FSIP2: variants seen among roughly 807,000 people sequenced by gnomAD.
FSIP2 encodes fibrous sheath-interacting protein 2.
Under a neutral mutation model 510.5 loss-of-function variants are expected in FSIP2, and 367 were observed. The ratio of observed to expected loss-of-function variants is 0.72; its 90% CI spans 0.66 to 0.78. FSIP2 has a LOEUF of 0.78. FSIP2 is among the 30% of genes least tolerant of loss of function. The pLI is 0.00. For synonymous variants in FSIP2, 2,601 were observed against 2,732.2 expected, an observed-to-expected ratio of 0.95 and a Z score of 1.50; for missense variants, 7,594 against 7,901.7, an observed-to-expected ratio of 0.96 and a Z score of 1.48.
intron 13 of FSIP2, among the ~76,000 whole-genome samples, chr2:185,767,259 G>A (rs1233588678): frequency 6.7e-6 from 1 of 149,198 alleles, no homozygotes; most frequent in Non-Finnish European, 1.5e-5. Context: ...CATGGCACAT[G>A]TATACATATG....
Position 185,804,515 on chromosome 2 carries a change from T to C in FSIP2, c.15209T>C (p.Val5070Ala). ...LLLEEIYDYQ[V>A]QSLVSGELES... ...TTGGAAGAAATATATGATTATCAAGTGCAGTCATTAGTTTCAGGAGAATTA... is the reference window on the plus strand; with the variant it reads ...TTGGAAGAAATATATGATTATCAAGCGCAGTCATTAGTTTCAGGAGAATTA... The change falls in exon 17 of 23, where the codon GTG (valine) becomes GCG (alanine). Residue 5070 changes from valine (V) to alanine (A), a missense_variant. By Grantham distance (64) the Val-to-Ala change is moderately conservative (BLOSUM62 0). Transcript: ENST00000424728. The C allele has an allele frequency of 6.6e-7, 1 of 1,516,252 alleles. No individual in the cohort carries two copies. The highest frequency in any genetic ancestry group is 8.8e-7 in the Non-Finnish European group (1 of 1,137,598). 93.9% of individuals were successfully genotyped at this position (1,516,252 alleles called of 1,614,324 possible).
rs1693252025 is a variant in FSIP2, at chr2:185,795,670, A to G, written c.8534A>G (p.Gln2845Arg). 6.5e-7 allele frequency: 1 copy of G among 1,533,470 alleles called. No individual in the cohort carries two copies. The highest frequency in any genetic ancestry group is 8.7e-7 in the Non-Finnish European group (1 of 1,145,282). 95.0% of individuals were successfully genotyped at this position (1,533,470 alleles called of 1,614,324 possible). A position where few individuals can be genotyped will look rare whatever the true frequency, so the allele number is the denominator to read the frequency against. The change falls in exon 16 of 23, where the codon CAA (glutamine) becomes CGA (arginine). Residue 2845 changes from glutamine (Q) to arginine (R), a missense_variant. Gln to Arg is a conservative substitution (Grantham distance 43). Coordinates refer to ENST00000424728, the MANE Select transcript of FSIP2 (RefSeq NM_173651.4). ...GIFKKLFDKW[Q>R]TESNDKENEK... ...TTTAAAAAATTGTTTGACAAGTGGCAAACAGAATCAAATGACAAGGAAAAT... is the reference window on the plus strand; with the variant it reads ...TTTAAAAAATTGTTTGACAAGTGGCGAACAGAATCAAATGACAAGGAAAAT...
At chr2:185,825,681 T>A (rs1229935579) in intron 20 of FSIP2, among the ~76,000 whole-genome samples, 3 of 151,794 alleles carry the variant, frequency 2.0e-5, no homozygotes, top group South Asian at 2.1e-4. Flanking sequence ...AGTTCTTATA[T>A]CTTTTAGTAA....
rs1192246332 is a variant in FSIP2 at position 185,738,851 on chromosome 2, A to G, written c.-44A>G. 6.5e-6 allele frequency: 10 copies of G among 1,533,164 alleles called. No homozygotes were observed. In the East Asian group the frequency reaches 2.5e-4, roughly 38 times the overall value. The allele number at this position is 1,533,164 out of a possible 1,614,324, so 95.0% of individuals were successfully genotyped here. A position where few individuals can be genotyped will look rare whatever the true frequency, so the allele number is the denominator to read the frequency against. ...AGGGACAACGGGGTGCTAGAGAAGG[A>G]GAGCGGGGCGGGTGAGGAAGGGGCT... On this transcript the variant is annotated 5_prime_UTR_variant, in exon 1 of 23. Coordinates refer to ENST00000424728, the MANE Select transcript of FSIP2 (RefSeq NM_173651.4).
In FSIP2 at chr2:185,801,741, T is replaced by G. The variant is rs767617616; in HGVS notation, c.12435T>G (p.Asp4145Glu). Residue 4145 changes from aspartate (D) to glutamate (E), a missense_variant, in exon 17 of 23, where the codon GAT becomes GAG. By Grantham distance (45) the Asp-to-Glu change is conservative. Coordinates refer to ENST00000424728, the MANE Select transcript of FSIP2 (RefSeq NM_173651.4). Reference protein sequence around the residue: ...STMLSHSFLEDVIRRLLSQLI... With the variant: ...STMLSHSFLEEVIRRLLSQLI... ...TGTTATCACATTCATTTTTAGAAGA[T>G]GTCATAAGAAGGCTTTTATCTCAGC... 9.1e-6 allele frequency: 14 copies of G among 1,530,154 alleles called. No homozygotes were observed. The South Asian group carries it at 1.7e-4, about 18-fold the overall frequency. 94.8% of individuals were successfully genotyped at this position (1,530,154 alleles called of 1,614,324 possible). A position where few individuals can be genotyped will look rare whatever the true frequency, so the allele number is the denominator to read the frequency against.
rs748675538 is a variant in FSIP2, at chr2:185,790,506, G to A, written c.3370G>A (p.Val1124Ile). Residue 1124 changes from valine to isoleucine, a missense_variant, in exon 16 of 23, where the codon GTT becomes ATT. Val to Ile is a conservative substitution (Grantham distance 29). Transcript: ENST00000424728. ...LKEMLKDISS[V>I]PFGHLDSKTG... ...GGAAATGCTCAAGGACATATCTTCC[G>A]TTCCTTTTGGTCACTTAGACAGCAA... 272 of 1,534,132 alleles carry A rather than the reference G, an allele frequency of 1.8e-4. 1 individual carries two copies. The East Asian group carries it at 2.5e-3, about 14-fold the overall frequency.
At chr2:185,769,928 A>G (rs1178644300) in intron 13 of FSIP2, among the ~76,000 whole-genome samples, 1 of 151,970 alleles carries the variant, frequency 6.6e-6, no homozygotes, top group Non-Finnish European at 1.5e-5. Flanking sequence ...TTGCAGGCCT[A>G]TATATCTATT....
Position 185,763,243 on chromosome 2 carries a change from AT to A in FSIP2, c.1306del (p.Ser436ProfsTer68). On this transcript the variant is annotated frameshift_variant, in exon 12 of 23. Transcript: ENST00000424728. LOFTEE classifies it high-confidence loss of function. ...TCAGCGCAGGTATCACCCACGAGAA[AT>A]TTTTCCAGAGTTTCACAGGCATTTT... ...IISAQVSPTRNFSRVSQAFLD... is the reference protein window; with the variant it reads ...IISAQVSPTRXFSRVSQAFLD... The A allele has an allele frequency of 6.6e-7, 1 of 1,522,880 alleles. No homozygotes were observed. Among genetic ancestry groups the A allele is most frequent in the Non-Finnish European group, 8.8e-7 (1 of 1,135,548 alleles). 94.3% of individuals were successfully genotyped at this position (1,522,880 alleles called of 1,614,324 possible).
At chr2:185,755,608 T>C (rs1233962540) in intron 8 of FSIP2, among the ~76,000 whole-genome samples, 2 of 151,554 alleles carry the variant, frequency 1.3e-5, no homozygotes, top group Non-Finnish European at 3.0e-5. Flanking sequence ...CAACTTCTAG[T>C]GGGACAGAGA....
Position 185,806,442 on chromosome 2 carries a change from T to C in FSIP2, c.17136T>C (p.Asp5712=), listed in dbSNP as rs1381365199. 6.2e-7 allele frequency: 1 copy of C among 1,612,102 alleles called. No homozygotes were observed. Among genetic ancestry groups the C allele is most frequent in the Non-Finnish European group, 8.5e-7 (1 of 1,178,762 alleles). The change falls in exon 17 of 23, where the codon GAT becomes GAC. Residue 5712 remains aspartate, a synonymous_variant. Transcript: ENST00000424728. ...GTTATGACCAAAGCCCCCCAGGTGA[T>C]AATGTATTAAATGTAATTCAAGAGA... ...KLSYDQSPPG[D]NVLNVIQEIS...
Position 185,808,121 on chromosome 2 carries a change from A to G in FSIP2, c.18815A>G (p.Lys6272Arg). ...TCTGGCTCTTATACTTCTGTATTTAAAGATTTAATGGGTAAAAGCAATGTC... is the reference window on the plus strand; with the variant it reads ...TCTGGCTCTTATACTTCTGTATTTAGAGATTTAATGGGTAAAAGCAATGTC... The part of the protein sequence containing the change: ...KHSGSYTSVF[K>R]DLMGKSNVLS... Residue 6272 changes from lysine to arginine, a missense_variant, in exon 17 of 23, where the codon AAA becomes AGA. Transcript: ENST00000424728. The G allele has an allele frequency of 1.2e-6, 2 of 1,605,518 alleles. No homozygotes were observed.
At chr2:185,809,173 G>T (rs1159330171) in intron 17 of FSIP2, 40 bp downstream of exon 17, 1 of 1,507,630 alleles carries the variant, frequency 6.6e-7, no homozygotes, top group Non-Finnish European at 8.8e-7. Context: ...AGTGAATAGT[G>T]AGACATGGTT....
At chr2:185,782,378 G>C (rs892212877) in intron 13 of FSIP2, among the ~76,000 whole-genome samples, 3 of 152,028 alleles carry the variant, frequency 2.0e-5, no homozygotes, top group Admixed American at 6.5e-5. Flanking sequence ...TACAGCACAG[G>C]GTGTTCTAGA....
chr2:185,780,837 G>A (rs1326434488), intron 13 of FSIP2, among the ~76,000 whole-genome samples: 2 of 152,122 alleles, frequency 1.3e-5, no homozygotes, highest in African/African-American at 4.8e-5. Context: ...TACATACGCT[G>A]CTGCCAGTTA....
Position 185,738,833 on chromosome 2 carries a change from A to G in FSIP2, c.-62A>G, listed in dbSNP as rs1691851977. 6.5e-7 allele frequency: 1 copy of G among 1,535,686 alleles called. No homozygotes were observed. Among genetic ancestry groups the G allele is most frequent in the African/African-American group, 1.4e-5 (1 of 73,008 alleles). On this transcript the variant is annotated 5_prime_UTR_variant, in exon 1 of 23. Coordinates refer to ENST00000424728, the MANE Select transcript of FSIP2 (RefSeq NM_173651.4). ...CTGGTCAGGTCCGGACAGAGGGACA[A>G]CGGGGTGCTAGAGAAGGAGAGCGGG...
In FSIP2 at chr2:185,794,022, G is replaced by A; in HGVS notation, c.6886G>A (p.Asp2296Asn). 1 of 1,533,754 alleles carries A rather than the reference G, an allele frequency of 6.5e-7. No homozygotes were observed. Among genetic ancestry groups the A allele is most frequent in the South Asian group, 1.2e-5 (1 of 83,862 alleles). Reference sequence around the variant, plus strand: ...AGAATTGGAAAATTGTAAACAAAATGACAGCATCTTTTATGATTCAAGCCA... The same window carrying A: ...AGAATTGGAAAATTGTAAACAAAATAACAGCATCTTTTATGATTCAAGCCA... Reference protein sequence around the residue: ...IPELENCKQNDSIFYDSSQVE... With the variant: ...IPELENCKQNNSIFYDSSQVE... The change falls in exon 16 of 23, where the codon GAC becomes AAC. Residue 2296 changes from aspartate (D) to asparagine (N), a missense_variant. Asp to Asn is a conservative substitution (Grantham distance 23). Transcript: ENST00000424728.
intron 21 of FSIP2, among the ~76,000 whole-genome samples, chr2:185,830,708 A>G (rs1694093743): frequency 6.6e-6 from 1 of 151,810 alleles, no homozygotes; most frequent in Non-Finnish European, 1.5e-5. Flanking sequence ...TTTTTCATAT[A>G]TTTTTGATCT....
At chr2:185,741,466 C>T (rs1355752993) in intron 2 of FSIP2, among the ~76,000 whole-genome samples, 7 of 152,164 alleles carry the variant, frequency 4.6e-5, no homozygotes. Context: ...GTCAGGAGCT[C>T]AGGTTTGGTC....
intron 13 of FSIP2, among the ~76,000 whole-genome samples, chr2:185,769,613 C>G (rs920159988): frequency 6.6e-6 from 1 of 152,114 alleles, no homozygotes; most frequent in Admixed American, 6.6e-5. Flanking sequence ...TGTGCAGAAG[C>G]TCTTTAGTTT....
Sources: gnomAD v4.1 joint callset for allele counts (sites outside exome capture counted in the v4.1 genomes callset) on GRCh38, gnomAD v4.1.1 for gene constraint, MANE v1.5 for transcripts, NCBI Gene and HGNC (gene_info 2026-07-23, HGNC 2026-07-21) for gene names.